Variants in UTRN observed in about 807,000 individuals in gnomAD.
UTRN encodes dystrophin-related protein 1.
UTRN carries 283 observed loss-of-function variants against 463.9 expected under a neutral mutation model. The observed-to-expected ratio is 0.61, with a 90% CI of 0.55 to 0.67. The LOEUF is 0.67. Ranked by LOEUF, UTRN falls within the 30% of genes least tolerant of loss-of-function variation. UTRN has a pLI of 0.00. For synonymous variants in UTRN, 1,442 were observed against 1,431.5 expected, an observed-to-expected ratio of 1.01 and a Z score of -0.17; for missense variants, 3,922 against 4,084.3, an observed-to-expected ratio of 0.96 and a Z score of 1.08.
At chr6:144,789,889 G>T (rs2128742666) in intron 62 of UTRN, among the ~76,000 whole-genome samples, 1 of 152,188 alleles carries the variant, frequency 6.6e-6, no homozygotes, top group South Asian at 2.1e-4. Flanking sequence ...GTCAGTTAAT[G>T]AAAGGTATAT....
intron 23 of UTRN, among the ~76,000 whole-genome samples, chr6:144,463,665 T>G (rs1042102664): frequency 6.6e-6 from 1 of 151,806 alleles, no homozygotes; most frequent in Non-Finnish European, 1.5e-5. Flanking sequence ...CTTTTTTAAA[T>G]TTCTTATTCA....
At chr6:144,297,841 A>G (rs760433623) in intron 2 of UTRN, among the ~76,000 whole-genome samples, 23 of 152,236 alleles carry the variant, frequency 1.5e-4, no homozygotes, top group Admixed American at 1.1e-3. Flanking sequence ...TGAAACTTTT[A>G]GAGGAGATCC....
chr6:144,556,670 A>G (rs1009716308), intron 49 of UTRN, among the ~76,000 whole-genome samples: 55 of 152,344 alleles, frequency 3.6e-4, no homozygotes, highest in African/African-American at 1.3e-3. Context: ...GCAAACTCTC[A>G]GTAAACCTTG....
intron 2 of UTRN, among the ~76,000 whole-genome samples, chr6:144,296,612 C>A (rs914850364): frequency 1.3e-5 from 2 of 152,238 alleles, no homozygotes; most frequent in African/African-American, 4.8e-5. Context: ...GATGATCTGA[C>A]TCTAGAAACC....
chr6:144,769,444 C>A (rs958635745), intron 58 of UTRN, among the ~76,000 whole-genome samples: 1 of 152,122 alleles, frequency 6.6e-6, no homozygotes, highest in Non-Finnish European at 1.5e-5. Flanking sequence ...GGGAGATGCC[C>A]GTTCCCTCCC....
At chr6:144,429,463 A>G (rs964134002) in intron 8 of UTRN, 118 bp from the exon 9 acceptor site, 2 of 861,968 alleles carry the variant, frequency 2.3e-6, no homozygotes, top group African/African-American at 3.5e-5. Flanking sequence ...TATTGCAAAG[A>G]TTATATATTA....
chr6:144,769,123 G>A (rs1793723118), intron 58 of UTRN, among the ~76,000 whole-genome samples: 1 of 151,918 alleles, frequency 6.6e-6, no homozygotes, highest in South Asian at 2.1e-4. Context: ...AACCCAAGCT[G>A]TTGTTATTTT....
intron 53 of UTRN, among the ~76,000 whole-genome samples, chr6:144,713,931 A>T (rs959325489): frequency 5.9e-5 from 9 of 151,966 alleles, no homozygotes; most frequent in Non-Finnish European, 1.0e-4. Flanking sequence ...AAAAAAAAAA[A>T]AAAAAAAGTA....
At chr6:144,456,746 T>A (rs1788871939) in intron 19 of UTRN, among the ~76,000 whole-genome samples, 1 of 151,708 alleles carries the variant, frequency 6.6e-6, no homozygotes, top group South Asian at 2.1e-4. Context: ...TACTTGGTTT[T>A]CTTCGTTTAG....
chr6:144,458,678 C>T (rs1789112356), intron 19 of UTRN, 92 bp from the exon 20 acceptor site: 1 of 1,411,710 alleles, frequency 7.1e-7, no homozygotes, highest in Non-Finnish European at 9.4e-7. Flanking sequence ...TGTGACATTG[C>T]CTCACTATTC....
intron 57 of UTRN, 126 bp from the exon 58 acceptor site, chr6:144,757,803 A>G: frequency 1.3e-6 from 1 of 765,478 alleles, no homozygotes; most frequent in South Asian, 2.6e-5. Context: ...TCTCATAATT[A>G]TAGGAATCCA....
At chr6:144,434,096 C>T (rs1236216070) in intron 9 of UTRN, among the ~76,000 whole-genome samples, 1 of 152,248 alleles carries the variant, frequency 6.6e-6, no homozygotes, top group Non-Finnish European at 1.5e-5. Context: ...ATCCCGGCAC[C>T]TCGGGAGGCC....
intron 54 of UTRN, among the ~76,000 whole-genome samples, 186 bp downstream of exon 54, chr6:144,730,672 A>G (rs9403593): frequency 3.0e-4 from 46 of 152,000 alleles, no homozygotes; most frequent in African/African-American, 9.4e-4. Context: ...AGAAAATAAA[A>G]TTTTTGTATA....
chr6:144,403,093 T>C, intron 2 of UTRN, 30 bp from the exon 3 acceptor site: 1 of 1,600,968 alleles, frequency 6.2e-7, no homozygotes, highest in African/African-American at 1.3e-5. Context: ...TCTCATACTT[T>C]TTCCTTCTCT....
intron 60 of UTRN, among the ~76,000 whole-genome samples, chr6:144,780,301 G>A (rs1021642556): frequency 6.6e-6 from 1 of 151,824 alleles, no homozygotes; most frequent in Non-Finnish European, 1.5e-5. Context: ...CATGCTAAAA[G>A]TTAAATATAT....
intron 69 of UTRN, among the ~76,000 whole-genome samples, chr6:144,831,720 G>A (rs1407039154): frequency 6.6e-6 from 1 of 152,128 alleles, no homozygotes; most frequent in Non-Finnish European, 1.5e-5. Flanking sequence ...ACGGTTCTGG[G>A]GAATCTCAGA....
At chr6:144,471,359 T>TG in intron 23 of UTRN, among the ~76,000 whole-genome samples, 1 of 152,314 alleles carries the variant, frequency 6.6e-6, no homozygotes, top group East Asian at 1.9e-4. Context: ...ATATAAATTT[T>TG]GAAAATTTTG....
chr6:144,373,638 T>TTAAATTC (rs1353368170), intron 2 of UTRN, among the ~76,000 whole-genome samples: 2 of 152,192 alleles, frequency 1.3e-5, no homozygotes, highest in African/African-American at 4.8e-5. Context: ...CACAGAATCG[T>TTAAATTC]ACATCCGTTA....
At position 144,700,269 on chromosome 6, in the gene UTRN, G is replaced by T. The variant is rs376158172; in HGVS notation, c.7809+26G>T. Reference sequence around the variant, plus strand: ...GTAAGTGGATAACCTATAGTGAGTCGCTTAATTCAAATTCTAGTGAGGTAG... The same window carrying T: ...GTAAGTGGATAACCTATAGTGAGTCTCTTAATTCAAATTCTAGTGAGGTAG... On this transcript the variant is annotated intron_variant, in intron 53 of 74. Coordinates refer to ENST00000367545, the MANE Select transcript of UTRN (RefSeq NM_007124.3). 8 of 1,580,728 alleles carry T rather than the reference G, an allele frequency of 5.1e-6. No individual in the cohort carries two copies. In the Admixed American group the frequency reaches 1.2e-4, roughly 24 times the overall value.
Sources: allele counts gnomAD v4.1 joint callset (sites outside exome capture counted in the v4.1 genomes callset), GRCh38; gene constraint gnomAD v4.1.1; transcripts MANE v1.5; gene names NCBI Gene and HGNC (gene_info 2026-07-23, HGNC 2026-07-21).